The following OR2AJ1 variants were observed in gnomAD, a reference collection of about 807,000 sequenced individuals.
The protein encoded by OR2AJ1 is olfactory receptor 2AJ1.
For synonymous variants in OR2AJ1, 105 were observed against 60.3 expected, an observed-to-expected ratio of 1.74 and a Z score of -3.44; for missense variants, 280 against 163.2, an observed-to-expected ratio of 1.72 and a Z score of -3.90.
intron 1 of OR2AJ1, among the ~76,000 whole-genome samples, chr1:247,929,907 C>G (rs56408811): frequency 6.6e-6 from 1 of 152,008 alleles, no homozygotes; most frequent in African/African-American, 2.4e-5. Context: ...CAATAGCATA[C>G]GAATTCCTGG....
chr1:247,926,506 T>C (rs1343786920), intron 1 of OR2AJ1, among the ~76,000 whole-genome samples: 2 of 152,222 alleles, frequency 1.3e-5, no homozygotes, highest in African/African-American at 4.8e-5. Context: ...CGCCTTTGGA[T>C]TGAATTTTCT....
chr1:247,934,139 T>TG lies in OR2AJ1; in HGVS notation c.373dup (p.Ala125GlyfsTer48). Reference sequence around the variant, plus strand: ...GCTGCAATGTCCTGTGATCGCTATGTGGCTATCTGTCACCCGCTGCGCTAT... The same window carrying TG: ...GCTGCAATGTCCTGTGATCGCTATGTGGGCTATCTGTCACCCGCTGCGCTAT... On this transcript the variant is annotated frameshift_variant, in exon 2 of 2. Transcript: ENST00000318244. LOFTEE classifies it low-confidence loss of function (END_TRUNC). 2.8e-6 allele frequency: 2 copies of TG among 718,994 alleles called. No homozygotes were observed. The highest frequency in any genetic ancestry group is 3.0e-5 in the South Asian group (2 of 67,622). 44.5% of individuals were successfully genotyped at this position (718,994 alleles called of 1,614,324 possible). A position where few individuals can be genotyped will look rare whatever the true frequency, so the allele number is the denominator to read the frequency against.
At chr1:247,932,150 C>T (rs1385343136) in intron 1 of OR2AJ1, among the ~76,000 whole-genome samples, 1 of 152,172 alleles carries the variant, frequency 6.6e-6, no homozygotes, top group East Asian at 1.9e-4. Context: ...ACCAGCCTGA[C>T]CAACATGGTG....
rs182041766 is a variant in OR2AJ1 at position 247,927,267 on chromosome 1, G to A, written c.-23+2099G>A. ...TCACCTGCACTATAATAAGAAAATC[G>A]TTTTCTTTTTTCTGACAGCATTAAG... On this transcript the variant is annotated intron_variant, in intron 1 of 1. Coordinates refer to ENST00000318244, the MANE Select transcript of OR2AJ1 (RefSeq NM_001355235.2). Among the ~76,000 whole-genome samples, 16 of 152,078 alleles carry A rather than the reference G, an allele frequency of 1.1e-4. No individual in the cohort carries two copies. The East Asian group carries it at 2.3e-3, about 22-fold the overall frequency.
At chr1:247,925,772 AGCGGGT>A (rs1660084759) in intron 1 of OR2AJ1, among the ~76,000 whole-genome samples, 1 of 152,192 alleles carries the variant, frequency 6.6e-6, no homozygotes, top group South Asian at 2.1e-4. Flanking sequence ...ATCCTATAAA[AGCGGGT>A]GCTAAATACT....
In OR2AJ1 at chr1:247,933,947, A is replaced by G; in HGVS notation, c.179A>G (p.Tyr60Cys). ...RSDSRLHTPM[Y>C]FLLSHLSLMD... ...GACTCCCGACTCCACACTCCAATGT[A>G]TTTTCTGCTCAGCCATCTCTCCTTA... The change falls in exon 2 of 2, where the codon TAT becomes TGT. Residue 60 changes from tyrosine to cysteine, a missense_variant. Transcript: ENST00000318244. 1 of 717,584 alleles carries G rather than the reference A, an allele frequency of 1.4e-6. No individual in the cohort carries two copies. Among genetic ancestry groups the G allele is most frequent in the African/African-American group, 1.7e-5 (1 of 57,358 alleles). 44.5% of individuals were successfully genotyped at this position (717,584 alleles called of 1,614,324 possible).
In OR2AJ1 at chr1:247,935,029, A is replaced by G. The variant is rs1660202037; in HGVS notation, c.*274A>G. On this transcript the variant is annotated 3_prime_UTR_variant, in exon 2 of 2. Coordinates refer to ENST00000318244, the MANE Select transcript of OR2AJ1 (RefSeq NM_001355235.2). Reference sequence around the variant, plus strand: ...AGAATATCCCTAAAAATACAGTCACACATCCATTGTATAAAAGACAAATCC... The same window carrying G: ...AGAATATCCCTAAAAATACAGTCACGCATCCATTGTATAAAAGACAAATCC... 3.6e-6 allele frequency: 1 copy of G among 277,150 alleles called. No homozygotes were observed. Among genetic ancestry groups the G allele is most frequent in the Non-Finnish European group, 6.6e-6 (1 of 150,568 alleles). 17.2% of individuals were successfully genotyped at this position (277,150 alleles called of 1,614,324 possible).
rs1344145794 is a variant in OR2AJ1 at position 247,934,146 on chromosome 1, C to G, written c.378C>G (p.Ile126Met). Residue 126 changes from isoleucine to methionine, a missense_variant, in exon 2 of 2, where the codon ATC becomes ATG. Transcript: ENST00000318244. Reference protein sequence around the residue: ...AAMSCDRYVAICHPLRYPILM... With the variant: ...AAMSCDRYVAMCHPLRYPILM... ...TGTCCTGTGATCGCTATGTGGCTATCTGTCACCCGCTGCGCTATCCGATTC... is the reference window on the plus strand; with the variant it reads ...TGTCCTGTGATCGCTATGTGGCTATGTGTCACCCGCTGCGCTATCCGATTC... The G allele has an allele frequency of 1.4e-6, 1 of 718,548 alleles. No homozygotes were observed. The highest frequency in any genetic ancestry group is 2.6e-6 in the Non-Finnish European group (1 of 385,744). The allele number at this position is 718,548 out of a possible 1,614,324, so 44.5% of individuals were successfully genotyped here. A position where few individuals can be genotyped will look rare whatever the true frequency, so the allele number is the denominator to read the frequency against.
chr1:247,929,125 GGC>G lies in OR2AJ1; in HGVS notation c.-23+3958_-23+3959del, dbSNP rs568582699. ...AAAATGGTGAATTAAAACATCAAAT[GGC>G]TGGCATAAAATGAGATTGTAAGCAG... On this transcript the variant is annotated intron_variant, in intron 1 of 1. Coordinates refer to ENST00000318244, the MANE Select transcript of OR2AJ1 (RefSeq NM_001355235.2). Among the ~76,000 whole-genome samples the G allele has an allele frequency of 7.7e-4, 117 of 152,218 alleles. No homozygotes were observed. The Middle Eastern group carries it at 0.01, about 13-fold the overall frequency.
At chr1:247,931,657 TATGAA>T (rs1338201760) in intron 1 of OR2AJ1, among the ~76,000 whole-genome samples, 1 of 152,162 alleles carries the variant, frequency 6.6e-6, no homozygotes, top group Non-Finnish European at 1.5e-5. Context: ...TAAAAGCCAG[TATGAA>T]ATACAGAGAA....
intron 1 of OR2AJ1, among the ~76,000 whole-genome samples, chr1:247,932,492 G>A (rs933511666): frequency 1.3e-5 from 2 of 152,114 alleles, no homozygotes; most frequent in African/African-American, 4.8e-5. Flanking sequence ...AGGATTAAGT[G>A]ATCTGTTTAT....
Position 247,934,923 on chromosome 1 carries a change from A to G in OR2AJ1, c.*168A>G, listed in dbSNP as rs1349208088. ...ATGTAGTGTTCCTTCTGTGGTACCA[A>G]TTATAATCATGCAACAGTTACAGGA... On this transcript the variant is annotated 3_prime_UTR_variant, in exon 2 of 2. Transcript: ENST00000318244. 11 of 546,422 alleles carry G rather than the reference A, an allele frequency of 2.0e-5. No individual in the cohort carries two copies. Among genetic ancestry groups the G allele is most frequent in the Non-Finnish European group, 3.5e-5 (11 of 312,338 alleles). The allele number at this position is 546,422 out of a possible 1,614,324, so 33.8% of individuals were successfully genotyped here. A position where few individuals can be genotyped will look rare whatever the true frequency, so the allele number is the denominator to read the frequency against.
rs1558372090 is a variant in OR2AJ1, at chr1:247,934,593, A to G, written c.825A>G (p.Ala275=). ...CTCCAGGCCAGGATAAGTTCCTGGC[A>G]ATATTCTATACGATCCTCACACCCA... The part of the protein sequence containing the change: ...YHTPGQDKFL[A]IFYTILTPTL... Residue 275 remains alanine (A), a synonymous_variant, in exon 2 of 2, where the codon GCA becomes GCG. Coordinates refer to ENST00000318244, the MANE Select transcript of OR2AJ1 (RefSeq NM_001355235.2). The G allele has an allele frequency of 1.4e-6, 1 of 717,798 alleles. No homozygotes were observed. Among genetic ancestry groups the G allele is most frequent in the Non-Finnish European group, 2.6e-6 (1 of 385,190 alleles). The allele number at this position is 717,798 out of a possible 1,614,324, so 44.5% of individuals were successfully genotyped here. A position where few individuals can be genotyped will look rare whatever the true frequency, so the allele number is the denominator to read the frequency against.
At position 247,934,890 on chromosome 1, in the gene OR2AJ1, C is replaced by G. The variant is rs1660200561; in HGVS notation, c.*135C>G. 1 of 577,694 alleles carries G rather than the reference C, an allele frequency of 1.7e-6. No homozygotes were observed. The highest frequency in any genetic ancestry group is 2.9e-5 in the East Asian group (1 of 35,060). 35.8% of individuals were successfully genotyped at this position (577,694 alleles called of 1,614,324 possible). On this transcript the variant is annotated 3_prime_UTR_variant, in exon 2 of 2. Coordinates refer to ENST00000318244, the MANE Select transcript of OR2AJ1 (RefSeq NM_001355235.2). ...ATGTGTTTGTGTTGTAAACACGTAC[C>G]TCTAAAAATGTAGTGTTCCTTCTGT... is the stretch of plus-strand genomic sequence containing the variant.
Position 247,934,349 on chromosome 1 carries a change from G to A in OR2AJ1, c.581G>A (p.Arg194His), listed in dbSNP as rs758574568. The A allele has an allele frequency of 1.2e-5, 9 of 730,502 alleles. No individual in the cohort carries two copies. The highest frequency in any genetic ancestry group is 4.4e-5 in the South Asian group (3 of 68,614). The allele number at this position is 730,502 out of a possible 1,614,324, so 45.3% of individuals were successfully genotyped here. A position where few individuals can be genotyped will look rare whatever the true frequency, so the allele number is the denominator to read the frequency against. ...MLKLSCADTT[R>H]YERGVCVSAV... ...AAGTTGTCCTGTGCAGACACAACAC[G>A]CTATGAACGAGGGGTTTGTGTAAGT... Residue 194 changes from arginine to histidine, a missense_variant, in exon 2 of 2, where the codon CGC becomes CAC. Transcript: ENST00000318244.
In OR2AJ1 at chr1:247,933,791, T is replaced by C. The variant is rs926114082; in HGVS notation, c.23T>C (p.Phe8Ser). 3 of 612,396 alleles carry C rather than the reference T, an allele frequency of 4.9e-6. No homozygotes were observed. The Admixed American group carries it at 9.1e-5, about 19-fold the overall frequency. 37.9% of individuals were successfully genotyped at this position (612,396 alleles called of 1,614,324 possible). Reference protein sequence around the residue: MGHQNHTFSSDFILLGLF... With the variant: MGHQNHTSSSDFILLGLF... ...ATGATGGGCCATCAGAATCACACTT[T>C]CAGCAGTGATTTCATACTTTTGGGA... Residue 8 changes from phenylalanine (F) to serine (S), a missense_variant, in exon 2 of 2, where the codon TTC becomes TCC. Transcript: ENST00000318244.
In OR2AJ1 at chr1:247,934,396, C is replaced by T. The variant is rs1204500521; in HGVS notation, c.628C>T (p.Pro210Ser). ...AAGTGCTGTGATCTTCCTGCTGATC[C>T]CTTTCTCCTTGATCTCTGCTTCTTA... Reference protein sequence around the residue: ...CVSAVIFLLIPFSLISASYGQ... With the variant: ...CVSAVIFLLISFSLISASYGQ... Residue 210 changes from proline to serine, a missense_variant, in exon 2 of 2, where the codon CCT becomes TCT. Transcript: ENST00000318244. 2.8e-6 allele frequency: 2 copies of T among 718,152 alleles called. No individual in the cohort carries two copies. The highest frequency in any genetic ancestry group is 3.5e-5 in the African/African-American group (2 of 57,278). The allele number at this position is 718,152 out of a possible 1,614,324, so 44.5% of individuals were successfully genotyped here. A position where few individuals can be genotyped will look rare whatever the true frequency, so the allele number is the denominator to read the frequency against.
At chr1:247,933,717 C>T (rs1177395145) in intron 1 of OR2AJ1, 30 bp from the exon 2 acceptor site, 1 of 549,080 alleles carries the variant, frequency 1.8e-6, no homozygotes. Context: ...AATATTTTTT[C>T]TTTATTATTA....
Position 247,934,489 on chromosome 1 carries a change from T to C in OR2AJ1, c.721T>C (p.Cys241Arg), listed in dbSNP as rs1201699267. 1 of 717,438 alleles carries C rather than the reference T, an allele frequency of 1.4e-6. No individual in the cohort carries two copies. Among genetic ancestry groups the C allele is most frequent in the Non-Finnish European group, 2.6e-6 (1 of 385,108 alleles). 44.4% of individuals were successfully genotyped at this position (717,438 alleles called of 1,614,324 possible). The change falls in exon 2 of 2, where the codon TGT (cysteine) becomes CGT (arginine). Residue 241 changes from cysteine (C) to arginine (R), a missense_variant. By Grantham distance (180) the Cys-to-Arg change is radical. Transcript: ENST00000318244. ...GGCAAGGAAAAAGTCATTTTCCACTTGTTCCTTCCACATGATTGTGGTCAC... is the reference window on the plus strand; with the variant it reads ...GGCAAGGAAAAAGTCATTTTCCACTCGTTCCTTCCACATGATTGTGGTCAC... ...SEARKKSFST[C>R]SFHMIVVTMY...
Sources: gnomAD v4.1 joint callset for allele counts (sites outside exome capture counted in the v4.1 genomes callset) on GRCh38, gnomAD v4.1.1 for gene constraint, MANE v1.5 for transcripts, NCBI Gene and HGNC (gene_info 2026-07-23, HGNC 2026-07-21) for gene names.